Variants in IFT80 observed in about 807,000 individuals in gnomAD.
The protein encoded by IFT80 is intraflagellar transport protein 80 homolog.
IFT80 carries 79 observed loss-of-function variants against 107.9 expected under a neutral mutation model. The ratio of observed to expected loss-of-function variants is 0.73; its 90% CI spans 0.61 to 0.88. The LOEUF (loss-of-function observed/expected upper bound fraction) is 0.88. IFT80 is among the 40% of genes least tolerant of loss of function. The pLI is 0.00. For missense variants in IFT80, 797 were observed against 914.2 expected (o/e 0.87, Z 1.65); for synonymous variants, 299 against 300.9 (o/e 0.99, Z 0.07).
At chr3:160,273,938 T>G (rs1714025280) in intron 18 of IFT80, among the ~76,000 whole-genome samples, 1 of 152,120 alleles carries the variant, frequency 6.6e-6, no homozygotes, top group Non-Finnish European at 1.5e-5. Flanking sequence ...ATAAGAAGAA[T>G]GGAGGAGCAC....
At chr3:160,264,489 C>A (rs1713131059) in intron 19 of IFT80, among the ~76,000 whole-genome samples, 1 of 151,750 alleles carries the variant, frequency 6.6e-6, no homozygotes. Context: ...GTGGCACGAC[C>A]TCAGCTAACT....
At chr3:160,267,909 T>C (rs898718555) in intron 19 of IFT80, among the ~76,000 whole-genome samples, 1 of 152,132 alleles carries the variant, frequency 6.6e-6, no homozygotes, top group Non-Finnish European at 1.5e-5. Context: ...GAGATTCTGG[T>C]AGGAGCCTGG....
At chr3:160,382,159 G>A (rs1367680671) in intron 2 of IFT80, among the ~76,000 whole-genome samples, 8 of 152,064 alleles carry the variant, frequency 5.3e-5, no homozygotes, top group African/African-American at 1.9e-4. Flanking sequence ...ATTAAAATAA[G>A]CATGTATTCT....
chr3:160,276,646 C>T (rs1312044609), intron 18 of IFT80, among the ~76,000 whole-genome samples: 1 of 152,178 alleles, frequency 6.6e-6, no homozygotes, highest in Non-Finnish European at 1.5e-5. Flanking sequence ...CACTTTGCCT[C>T]AGAAAGCAAT....
chr3:160,341,924 C>T (rs938665595), intron 8 of IFT80, among the ~76,000 whole-genome samples: 4 of 152,150 alleles, frequency 2.6e-5, no homozygotes, highest in African/African-American at 4.8e-5. Context: ...TTAATGGTTT[C>T]TTCTACTTGC....
chr3:160,397,737 T>TTTTTTTTG (rs1350153504), intron 1 of IFT80, among the ~76,000 whole-genome samples: 3 of 148,734 alleles, frequency 2.0e-5, no homozygotes, highest in African/African-American at 5.1e-5. Context: ...TTTTTTTTTT[T>TTTTTTTTG]TGAGACGCAG....
intron 9 of IFT80, among the ~76,000 whole-genome samples, chr3:160,309,992 A>G (rs776256060): frequency 2.1e-4 from 32 of 152,172 alleles, no homozygotes; most frequent in Non-Finnish European, 3.7e-4. Context: ...ATGTATTTTC[A>G]TCGGTCAAAA....
chr3:160,298,239 G>T (rs537357331), intron 12 of IFT80, among the ~76,000 whole-genome samples: 13 of 152,254 alleles, frequency 8.5e-5, no homozygotes, highest in Admixed American at 2.6e-4. Context: ...ACCCTTCTAA[G>T]AGTTAAATAC....
At chr3:160,374,230 G>C (rs1216657475) in intron 5 of IFT80, among the ~76,000 whole-genome samples, 2 of 151,906 alleles carry the variant, frequency 1.3e-5, no homozygotes, top group Non-Finnish European at 2.9e-5. Context: ...AGGATCACTT[G>C]AGCCCAGGAG....
At chr3:160,299,197 C>A in intron 12 of IFT80, 1 of 1,094,360 alleles carries the variant, frequency 9.1e-7, no homozygotes, top group South Asian at 2.3e-5. Context: ...TATATTATTC[C>A]ATTCTGTTTT....
chr3:160,292,283 CA>C (rs1459662398), intron 12 of IFT80, among the ~76,000 whole-genome samples: 4 of 152,128 alleles, frequency 2.6e-5, no homozygotes, highest in Non-Finnish European at 5.9e-5. Context: ...CCTTACAATC[CA>C]TAATGTCCAA....
chr3:160,268,767 A>T, intron 18 of IFT80: 1 of 495,842 alleles, frequency 2.0e-6, no homozygotes, highest in East Asian at 3.7e-5. Flanking sequence ...ATAAATGACT[A>T]TTATCTTATC....
intron 2 of IFT80, chr3:160,383,814 C>G (rs1712709544): frequency 2.0e-6 from 2 of 985,412 alleles, no homozygotes. Context: ...GCCACCTTCC[C>G]ATGTGAAATA....
In IFT80 at chr3:160,280,825, A is replaced by G. The variant is rs1559916848; in HGVS notation, c.1517-11T>C. 2 of 1,609,520 alleles carry G rather than the reference A, an allele frequency of 1.2e-6. No individual in the cohort carries two copies. Among genetic ancestry groups the G allele is most frequent in the Non-Finnish European group, 1.7e-6 (2 of 1,176,880 alleles). ...TATGCACCATTGTTCCTTAATTTAA[A>G]AAGAATGTTAATGTGCTATTAGCTT... On this transcript the variant is annotated splice_polypyrimidine_tract_variant and intron_variant, in intron 14 of 19. Coordinates refer to ENST00000326448, the MANE Select transcript of IFT80 (RefSeq NM_020800.3).
intron 19 of IFT80, among the ~76,000 whole-genome samples, chr3:160,262,858 G>T (rs1012092549): frequency 9.2e-5 from 14 of 151,932 alleles, no homozygotes; most frequent in African/African-American, 3.4e-4. Flanking sequence ...ATTCACCAGG[G>T]TCCAACCATA....
At chr3:160,319,612 G>C (rs1220426399) in intron 9 of IFT80, 148 bp downstream of exon 9, 1 of 709,512 alleles carries the variant, frequency 1.4e-6, no homozygotes, top group Non-Finnish European at 2.3e-6. Context: ...GTCAGAGAAA[G>C]TGACTAATGG....
intron 8 of IFT80, among the ~76,000 whole-genome samples, chr3:160,339,980 C>T (rs1210077896): frequency 1.3e-5 from 2 of 152,098 alleles, no homozygotes; most frequent in East Asian, 3.9e-4. Context: ...ATATCGAGTA[C>T]CTTGAGGGTG....
At chr3:160,324,347 T>A (rs978853171) in intron 8 of IFT80, among the ~76,000 whole-genome samples, 3 of 152,066 alleles carry the variant, frequency 2.0e-5, no homozygotes, top group African/African-American at 7.2e-5. Flanking sequence ...TTTAGACCAA[T>A]ATCCTTGATG....
chr3:160,312,855 AAATATAT>A (rs1199511069), intron 9 of IFT80, among the ~76,000 whole-genome samples: 6 of 39,676 alleles, frequency 1.5e-4, no homozygotes, highest in African/African-American at 5.6e-4. Context: ...TATTATATAT[AAATATAT>A]AATATATAAT....
Sources: gnomAD v4.1 joint callset for allele counts (sites outside exome capture counted in the v4.1 genomes callset) on GRCh38, gnomAD v4.1.1 for gene constraint, MANE v1.5 for transcripts, NCBI Gene and HGNC (gene_info 2026-07-23, HGNC 2026-07-21) for gene names.